The following LHPP variants were observed in gnomAD, a reference collection of about 807,000 sequenced individuals.
LHPP encodes hLHPP.
In LHPP, 24 loss-of-function variants were observed where a neutral mutation model predicts 30.3. That is an observed-to-expected ratio of 0.79 (90% CI 0.57 to 1.11). The LOEUF is 1.11. Ranked by LOEUF, LHPP falls within the 50% of genes most tolerant of loss-of-function variation. The pLI is 0.00. For synonymous variants in LHPP, 150 were observed against 157.1 expected, an observed-to-expected ratio of 0.95 and a Z score of 0.34; for missense variants, 356 against 367.2, an observed-to-expected ratio of 0.97 and a Z score of 0.25.
chr10:124,494,980 G>A (rs982492530), intron 3 of LHPP, among the ~76,000 whole-genome samples: 1 of 152,138 alleles, frequency 6.6e-6, no homozygotes, highest in Non-Finnish European at 1.5e-5. Context: ...AGGACCCGGT[G>A]TCCCCTCACT....
chr10:124,588,488 T>G (rs1486494744), intron 6 of LHPP, among the ~76,000 whole-genome samples: 1 of 152,172 alleles, frequency 6.6e-6, no homozygotes, highest in African/African-American at 2.4e-5. Context: ...TTCGCCATGT[T>G]GACCAGACTA....
rs1418547033 is a variant in LHPP at position 124,496,086 on chromosome 10, TGGCAAAAC to T, written c.468-874_468-867del. Among the ~76,000 whole-genome samples the T allele has an allele frequency of 7.5e-4, 114 of 152,336 alleles. No individual in the cohort carries two copies. Among genetic ancestry groups the T allele is most frequent in the Non-Finnish European group, 2.2e-4 (15 of 68,026 alleles). ...AGAGGGAAACTGATGTGATGGTGGA[TGGCAAAAC>T]ATTTTAGTGGTTCCAAGAATCAAGC... On this transcript the variant is annotated intron_variant, in intron 3 of 6. Transcript: ENST00000368842. The surrounding 1 kb of genome is among the most constrained non-coding windows in gnomAD (Gnocchi z 4.3).
At chr10:124,546,434 A>G (rs1049608473) in intron 6 of LHPP, among the ~76,000 whole-genome samples, 4 of 151,936 alleles carry the variant, frequency 2.6e-5, no homozygotes, top group Non-Finnish European at 5.9e-5. Flanking sequence ...ACGGAGTCTC[A>G]CTCTGTCGCC....
At chr10:124,528,696 C>T (rs180996915) in intron 6 of LHPP, among the ~76,000 whole-genome samples, 14 of 152,346 alleles carry the variant, frequency 9.2e-5, no homozygotes, top group African/African-American at 2.9e-4. Context: ...GTCCCCACTG[C>T]CCACGGGAGG....
chr10:124,497,512 C>T (rs1170299119), intron 4 of LHPP, among the ~76,000 whole-genome samples: 3 of 150,954 alleles, frequency 2.0e-5, no homozygotes, highest in Admixed American at 1.3e-4. Flanking sequence ...GCCAGGCCTC[C>T]GGGTGGGGCT....
chr10:124,529,282 A>G (rs10901752), intron 6 of LHPP, among the ~76,000 whole-genome samples: 79,270 of 151,472 alleles, frequency 0.52, 21,426 homozygotes, highest in South Asian at 0.68. Context: ...TGATCTGCCC[A>G]CCTCGGCCTC....
At chr10:124,573,411 A>C (rs544031751) in intron 6 of LHPP, among the ~76,000 whole-genome samples, 183 of 152,298 alleles carry the variant, frequency 1.2e-3, no homozygotes, top group Non-Finnish European at 2.3e-3. Flanking sequence ...TCTCCACCTC[A>C]AGTGATCCTC....
At chr10:124,489,113 C>T (rs1953432836) in intron 3 of LHPP, among the ~76,000 whole-genome samples, 3 of 152,176 alleles carry the variant, frequency 2.0e-5, no homozygotes, top group Admixed American at 1.3e-4. Context: ...CTTTCTTAAA[C>T]AAAACAGTGT....
intron 5 of LHPP, among the ~76,000 whole-genome samples, chr10:124,506,890 T>A (rs143089985): frequency 2.5e-4 from 1 of 4,064 alleles, no homozygotes; most frequent in Non-Finnish European, 4.6e-4. Context: ...GATTTCAGGT[T>A]GGGGGGTAGG....
At chr10:124,518,024 T>A (rs939786330) in intron 6 of LHPP, among the ~76,000 whole-genome samples, 13 of 151,988 alleles carry the variant, frequency 8.6e-5, no homozygotes, top group Non-Finnish European at 1.8e-4. Flanking sequence ...GGATTTGGGG[T>A]GGGGGCAGTT....
intron 6 of LHPP, among the ~76,000 whole-genome samples, chr10:124,540,408 G>A (rs963504435): frequency 2.0e-5 from 3 of 152,212 alleles, no homozygotes; most frequent in Non-Finnish European, 4.4e-5. Flanking sequence ...GGGGGGCTGC[G>A]CAGGATGGGG....
intron 6 of LHPP, among the ~76,000 whole-genome samples, chr10:124,519,670 A>G (rs1268785094): frequency 2.0e-5 from 3 of 152,180 alleles, no homozygotes; most frequent in South Asian, 2.1e-4. Flanking sequence ...GCTCCCACTT[A>G]TAAGTGAGAA....
chr10:124,571,957 G>T (rs12260502), intron 6 of LHPP, among the ~76,000 whole-genome samples: 47,419 of 151,972 alleles, frequency 0.31, 7,452 homozygotes, highest in South Asian at 0.4. Flanking sequence ...TGAGTGAGGG[G>T]TTGGGGAAGG....
chr10:124,515,170 A>G (rs887605178), intron 5 of LHPP, among the ~76,000 whole-genome samples: 2 of 152,142 alleles, frequency 1.3e-5, no homozygotes, highest in African/African-American at 2.4e-5. Context: ...TAGCTCACTG[A>G]TGCTCTGTTC....
intron 5 of LHPP, among the ~76,000 whole-genome samples, chr10:124,509,023 C>A (rs1316102193): frequency 6.6e-6 from 1 of 152,114 alleles, no homozygotes; most frequent in Non-Finnish European, 1.5e-5. Flanking sequence ...TCCTCACCCT[C>A]CTCCCACCCT....
rs1848888166 is a variant in LHPP, at chr10:124,541,990, G to A, written c.716+24719G>A. Among the ~76,000 whole-genome samples, 1 of 152,038 alleles carries A rather than the reference G, an allele frequency of 6.6e-6. No individual in the cohort carries two copies. Among genetic ancestry groups the A allele is most frequent in the Admixed American group, 6.5e-5 (1 of 15,282 alleles). On this transcript the variant is annotated intron_variant, in intron 6 of 6. Transcript: ENST00000368842. The surrounding 1 kb of genome is among the most constrained non-coding windows in gnomAD (Gnocchi z 4.2). ...AGACATGAAACGGACAGCAGGAGGG[G>A]GCTTTGAGGGGTCTCTCCTGAGACA...
Position 124,523,761 on chromosome 10 carries a change from A to G in LHPP, c.716+6490A>G, listed in dbSNP as rs1187592145. 2.6e-5 allele frequency among the ~76,000 whole-genome samples: 4 copies of G among 152,120 alleles called. No homozygotes were observed. The highest frequency in any genetic ancestry group is 4.8e-5 in the African/African-American group (2 of 41,422). ...GGGCAATCCGAGCCAGCCCCGGTGG[A>G]GAGAAAGGGCCAGTGCTGGGCTTGG... On this transcript the variant is annotated intron_variant, in intron 6 of 6. Coordinates refer to ENST00000368842, the MANE Select transcript of LHPP (RefSeq NM_022126.4). The surrounding 1 kb of genome is among the most constrained non-coding windows in gnomAD (Gnocchi z 4.2).
intron 6 of LHPP, among the ~76,000 whole-genome samples, chr10:124,565,774 T>C (rs1948478239): frequency 6.6e-6 from 1 of 152,206 alleles, no homozygotes; most frequent in Admixed American, 6.5e-5. Context: ...GCTTTGGCCT[T>C]TCTCAAGGTC....
rs1398704833 is a variant in LHPP, at chr10:124,478,993, C to T, written c.126-5146C>T. Among the ~76,000 whole-genome samples the T allele has an allele frequency of 6.6e-6, 1 of 151,754 alleles. No homozygotes were observed. Among genetic ancestry groups the T allele is most frequent in the African/African-American group, 2.4e-5 (1 of 41,290 alleles). On this transcript the variant is annotated intron_variant, in intron 1 of 6. Transcript: ENST00000368842. The surrounding 1 kb of genome is among the most constrained non-coding windows in gnomAD (Gnocchi z 4.7). ...CTGAGGCAGGAGAATTGCTTGAACC[C>T]AGGAGGCGGAGGTTGCAGTGAGCTG... is the stretch of plus-strand genomic sequence containing the variant.
Sources: allele counts gnomAD v4.1 joint callset (sites outside exome capture counted in the v4.1 genomes callset), GRCh38; gene constraint gnomAD v4.1.1; non-coding constraint Gnocchi (gnomAD v3.1); transcripts MANE v1.5; gene names NCBI Gene and HGNC (gene_info 2026-07-23, HGNC 2026-07-21).